The following GRIK4 variants were observed in gnomAD, a reference collection of about 807,000 sequenced individuals.
The protein encoded by GRIK4 is glutamate ionotropic receptor kainate type subunit 4, also known as glutamate receptor ionotropic, kainate 4.
In GRIK4, 40 loss-of-function variants were observed where a neutral mutation model predicts 104.9. The ratio of observed to expected loss-of-function variants is 0.38; its 90% CI spans 0.30 to 0.50. The LOEUF (loss-of-function observed/expected upper bound fraction) is 0.50, where lower values mean the gene tolerates loss of function less well. Among genes scored for constraint, GRIK4 ranks in the 20% least tolerant of loss-of-function variants. The probability of loss-of-function intolerance (pLI) is 0.93; values close to 1 mark genes in which losing one functional copy is unlikely to be tolerated. For synonymous variants in GRIK4, 485 were observed against 524.9 expected (o/e 0.92, Z 1.04); for missense variants, 1,047 against 1,308.1 (o/e 0.80, Z 3.08).
At chr11:120,928,311 G>T (rs1351354167) in intron 13 of GRIK4, among the ~76,000 whole-genome samples, 1 of 152,034 alleles carries the variant, frequency 6.6e-6, no homozygotes, top group Non-Finnish European at 1.5e-5. Context: ...GGGAAGAGGG[G>T]ATTGTAAGAA....
intron 3 of GRIK4, among the ~76,000 whole-genome samples, chr11:120,802,445 G>T (rs1439358816): frequency 6.6e-6 from 1 of 152,222 alleles, no homozygotes; most frequent in African/African-American, 2.4e-5. Flanking sequence ...CTAGTGGCCT[G>T]CTCTGGTATT....
At chr11:120,518,190 A>G (rs935098297) in intron 1 of GRIK4, among the ~76,000 whole-genome samples, 18 of 152,298 alleles carry the variant, frequency 1.2e-4, no homozygotes, top group Admixed American at 8.5e-4. Flanking sequence ...CTTCCAGATC[A>G]GGTACATAGG....
At chr11:120,594,536 C>T (rs1948775568) in intron 1 of GRIK4, among the ~76,000 whole-genome samples, 2 of 151,966 alleles carry the variant, frequency 1.3e-5, no homozygotes, top group South Asian at 4.2e-4. Context: ...CTTATAAGGC[C>T]CTTGTAATGC....
chr11:120,535,470 C>G (rs887928472), intron 1 of GRIK4, among the ~76,000 whole-genome samples: 1 of 151,982 alleles, frequency 6.6e-6, no homozygotes, highest in Non-Finnish European at 1.5e-5. Flanking sequence ...CACCCAGGAT[C>G]CTGGAGCAGT....
chr11:120,912,889 A>G (rs188961057), intron 13 of GRIK4, among the ~76,000 whole-genome samples: 19 of 152,180 alleles, frequency 1.2e-4, no homozygotes, highest in Admixed American at 2.6e-4. Flanking sequence ...GAGATGATGG[A>G]GCATTCAGAA....
At chr11:120,642,986 G>A (rs774672280) in intron 1 of GRIK4, among the ~76,000 whole-genome samples, 1 of 152,182 alleles carries the variant, frequency 6.6e-6, no homozygotes, top group Non-Finnish European at 1.5e-5. Flanking sequence ...TGCACTGGGA[G>A]TGTTTAATCT....
chr11:120,916,911 T>G (rs1424363469), intron 13 of GRIK4, among the ~76,000 whole-genome samples: 2 of 151,894 alleles, frequency 1.3e-5, no homozygotes, highest in African/African-American at 2.4e-5. Context: ...CCCTAGGGAG[T>G]GCTTCCTTCA....
intron 1 of GRIK4, among the ~76,000 whole-genome samples, chr11:120,640,348 C>T (rs1238228359): frequency 1.3e-5 from 2 of 152,152 alleles, no homozygotes; most frequent in African/African-American, 2.4e-5. Flanking sequence ...GAAAATTCTA[C>T]CTGTGCCACA....
At chr11:120,958,656 G>A (rs979304083) in intron 16 of GRIK4, among the ~76,000 whole-genome samples, 7 of 152,194 alleles carry the variant, frequency 4.6e-5, no homozygotes, top group African/African-American at 7.2e-5. Context: ...CTCCGGAAGC[G>A]GGCATCATTC....
rs748854892 is a variant in GRIK4 at position 120,986,168 on chromosome 11, C to T, written c.2779C>T (p.Arg927Cys). ...THIRVCPECR[R>C]FQGLRARPSP... ...CATCCGCGTCTGCCCCGAGTGCCGC[C>T]GCTTCCAGGGCCTGCGGGCACGGCC... The change falls in exon 21 of 21, where the codon CGC (arginine) becomes TGC (cysteine). Residue 927 changes from arginine (R) to cysteine (C), a missense_variant. Arg to Cys is a radical substitution (Grantham distance 180). Coordinates refer to ENST00000527524, the MANE Select transcript of GRIK4 (RefSeq NM_014619.5). 8 of 1,552,616 alleles carry T rather than the reference C, an allele frequency of 5.2e-6. No homozygotes were observed. The highest frequency in any genetic ancestry group is 6.9e-6 in the Non-Finnish European group (8 of 1,158,730).
intron 6 of GRIK4, among the ~76,000 whole-genome samples, chr11:120,821,068 C>T (rs1953113906): frequency 6.6e-6 from 1 of 152,210 alleles, no homozygotes; most frequent in Non-Finnish European, 1.5e-5. Flanking sequence ...CAAGGCCACA[C>T]AACTTAAGCA....
chr11:120,609,323 G>T (rs1169469188), intron 1 of GRIK4, among the ~76,000 whole-genome samples: 1 of 150,578 alleles, frequency 6.6e-6, no homozygotes, highest in African/African-American at 2.4e-5. Flanking sequence ...TTGCCGTGTT[G>T]CCCAGGGTGA....
At chr11:120,692,616 C>T (rs1031481205) in intron 3 of GRIK4, among the ~76,000 whole-genome samples, 1 of 152,082 alleles carries the variant, frequency 6.6e-6, no homozygotes, top group Non-Finnish European at 1.5e-5. Context: ...AAGGTTGCTC[C>T]GGAGGAGAGT....
At chr11:120,823,895 G>C (rs1249129985) in intron 6 of GRIK4, among the ~76,000 whole-genome samples, 1 of 152,204 alleles carries the variant, frequency 6.6e-6, no homozygotes, top group Non-Finnish European at 1.5e-5. Flanking sequence ...ACCCTCCAGG[G>C]CCAGAGCAGG....
chr11:120,583,344 T>G (rs1249168132), intron 1 of GRIK4, among the ~76,000 whole-genome samples: 3 of 152,238 alleles, frequency 2.0e-5, no homozygotes, highest in South Asian at 2.1e-4. Flanking sequence ...GCAGAAGCTC[T>G]TTAGTTTAAG....
At chr11:120,904,736 A>T (rs926943936) in intron 12 of GRIK4, among the ~76,000 whole-genome samples, 2 of 151,860 alleles carry the variant, frequency 1.3e-5, no homozygotes, top group African/African-American at 2.4e-5. Flanking sequence ...CCCCTGGCCC[A>T]TGCCTTTCAT....
Position 120,933,384 on chromosome 11 carries a change from TGGC to T in GRIK4, c.1477-6962_1477-6960del, listed in dbSNP as rs542413351. On this transcript the variant is annotated intron_variant, in intron 13 of 20. Coordinates refer to ENST00000527524, the MANE Select transcript of GRIK4 (RefSeq NM_014619.5). The stretch of plus-strand genomic sequence containing the variant: ...TGTCATCCCAACAGCAAAGACTTAC[TGGC>T]TACTTACTTCAAACCAGGCCCCATG... Among the ~76,000 whole-genome samples, 36 of 152,344 alleles carry T rather than the reference TGGC, an allele frequency of 2.4e-4. No individual in the cohort carries two copies. The East Asian group carries it at 6.7e-3, about 29-fold the overall frequency.
At chr11:120,776,991 G>C (rs112195308) in intron 3 of GRIK4, among the ~76,000 whole-genome samples, 1 of 152,180 alleles carries the variant, frequency 6.6e-6, no homozygotes, top group Non-Finnish European at 1.5e-5. Flanking sequence ...TACGAGGGGG[G>C]TGTGAGTACC....
At chr11:120,862,847 T>A (rs1200320641) in intron 9 of GRIK4, among the ~76,000 whole-genome samples, 1 of 152,242 alleles carries the variant, frequency 6.6e-6, no homozygotes, top group Non-Finnish European at 1.5e-5. Flanking sequence ...TGTGGCTTTT[T>A]ATGCCCTGTC....
Sources: gnomAD v4.1 joint callset for allele counts (sites outside exome capture counted in the v4.1 genomes callset) on GRCh38, gnomAD v4.1.1 for gene constraint, MANE v1.5 for transcripts, NCBI Gene and HGNC (gene_info 2026-07-23, HGNC 2026-07-21) for gene names.